The following CYP20A1 variants were observed in gnomAD, a reference collection of about 807,000 sequenced individuals.
CYP20A1 encodes the protein cytochrome P450 family 20 subfamily A member 1, also known as cytochrome P450 20A1.
A neutral mutation model predicts 61.4 loss-of-function variants in CYP20A1; 61 were observed. The observed-to-expected ratio is 0.99, with a 90% CI of 0.81 to 1.23. CYP20A1 has a LOEUF of 1.23. Among genes scored for constraint, CYP20A1 ranks in the 50% most tolerant of loss-of-function variants. The pLI, the probability that CYP20A1 is intolerant of heterozygous loss-of-function variation, is 0.00. For synonymous variants in CYP20A1, 193 were observed against 188.2 expected (o/e 1.03, Z -0.21); for missense variants, 530 against 542.4 (o/e 0.98, Z 0.23).
intron 6 of CYP20A1, among the ~76,000 whole-genome samples, chr2:203,275,931 A>G (rs922354207): frequency 6.6e-6 from 1 of 152,214 alleles, no homozygotes; most frequent in African/African-American, 2.4e-5. Context: ...TAGTACATTA[A>G]AAGGTGAAAA....
At chr2:203,254,230 C>T (rs545225698) in intron 4 of CYP20A1, among the ~76,000 whole-genome samples, 206 of 152,254 alleles carry the variant, frequency 1.4e-3, no homozygotes, top group Non-Finnish European at 2.1e-3. Context: ...CAGGCATGAG[C>T]CACCGTGCCC....
intron 4 of CYP20A1, among the ~76,000 whole-genome samples, chr2:203,264,107 A>G (rs2067240249): frequency 6.6e-6 from 1 of 151,934 alleles, no homozygotes. Context: ...GACTCAAGCG[A>G]TCCTCCCAAG....
At chr2:203,262,583 T>G (rs536484440) in intron 4 of CYP20A1, among the ~76,000 whole-genome samples, 9 of 151,086 alleles carry the variant, frequency 6.0e-5, no homozygotes, top group Non-Finnish European at 1.2e-4. Flanking sequence ...AGATGATTGC[T>G]TAGATCGTTA....
intron 4 of CYP20A1, among the ~76,000 whole-genome samples, chr2:203,263,377 A>C (rs1225190555): frequency 7.0e-6 from 1 of 141,858 alleles, no homozygotes; most frequent in African/African-American, 2.6e-5. Flanking sequence ...GCAACCTCCA[A>C]CTCCGTGGTT....
At chr2:203,292,235 G>C (rs765767884) in intron 10 of CYP20A1, 27 bp from the exon 11 acceptor site, 1 of 1,568,254 alleles carries the variant, frequency 6.4e-7, no homozygotes, top group Non-Finnish European at 8.8e-7. Flanking sequence ...GTTAGTCCTT[G>C]ACTAATTGGA....
In CYP20A1 at chr2:203,246,928, T is replaced by G; in HGVS notation, c.289+7T>G. 6.2e-7 allele frequency: 1 copy of G among 1,608,734 alleles called. No individual in the cohort carries two copies. Among genetic ancestry groups the G allele is most frequent in the Non-Finnish European group, 8.5e-7 (1 of 1,178,378 alleles). ...ATCAATCCCAATAAGACATGTAAGT[T>G]TAATTTTCTTTCTAATTACCTGATC... On this transcript the variant is annotated splice_region_variant and intron_variant, in intron 3 of 12. Transcript: ENST00000356079.
At chr2:203,265,539 G>C (rs2152074164) in intron 4 of CYP20A1, among the ~76,000 whole-genome samples, 1 of 152,132 alleles carries the variant, frequency 6.6e-6, no homozygotes, top group African/African-American at 2.4e-5. Context: ...CTTTCTTTCA[G>C]AGCTCTTTAC....
chr2:203,247,969 T>C (rs1419821063), intron 3 of CYP20A1, among the ~76,000 whole-genome samples: 1 of 152,188 alleles, frequency 6.6e-6, no homozygotes, highest in Non-Finnish European at 1.5e-5. Flanking sequence ...CTCACACCTG[T>C]AATCCCAACA....
chr2:203,289,870 T>G lies in CYP20A1; in HGVS notation c.1077T>G (p.Pro359=). The change falls in exon 10 of 13, where the codon CCT becomes CCG. Residue 359 remains proline, a synonymous_variant. Coordinates refer to ENST00000356079, the MANE Select transcript of CYP20A1 (RefSeq NM_177538.3). Reference sequence around the variant, plus strand: ...GAAAAATTGACCGATTTATTATTCCTAGAGAGGTAGAAAACCTTTAATATG... The same window carrying G: ...GAAAAATTGACCGATTTATTATTCCGAGAGAGGTAGAAAACCTTTAATATG... ...IEGKIDRFII[P]RETLVLYALG... The G allele has an allele frequency of 6.6e-7, 1 of 1,521,008 alleles. No individual in the cohort carries two copies. The highest frequency in any genetic ancestry group is 9.0e-7 in the Non-Finnish European group (1 of 1,105,672). The allele number at this position is 1,521,008 out of a possible 1,614,324, so 94.2% of individuals were successfully genotyped here. A position where few individuals can be genotyped will look rare whatever the true frequency, so the allele number is the denominator to read the frequency against.
At chr2:203,256,749 T>C (rs1303173609) in intron 4 of CYP20A1, among the ~76,000 whole-genome samples, 3 of 152,212 alleles carry the variant, frequency 2.0e-5, no homozygotes, top group East Asian at 3.8e-4. Context: ...TTTTGATTAC[T>C]GCTGTATACT....
intron 5 of CYP20A1, 92 bp from the exon 6 acceptor site, chr2:203,272,578 A>G: frequency 2.3e-6 from 1 of 436,636 alleles, no homozygotes; most frequent in Non-Finnish European, 3.9e-6. Flanking sequence ...AAAAGAGTTA[A>G]AGAGTTCCTA....
intron 5 of CYP20A1, among the ~76,000 whole-genome samples, chr2:203,267,430 A>C (rs1271069324): frequency 6.6e-6 from 1 of 151,882 alleles, no homozygotes; most frequent in Non-Finnish European, 1.5e-5. Context: ...GCTACTTGGG[A>C]GGCTGAGGCA....
chr2:203,247,843 T>G (rs2066515100), intron 3 of CYP20A1, among the ~76,000 whole-genome samples: 1 of 151,622 alleles, frequency 6.6e-6, no homozygotes, highest in African/African-American at 2.4e-5. Flanking sequence ...GGCAACAGAG[T>G]AAGATTCCAT....
At position 203,293,214 on chromosome 2, in the gene CYP20A1, C is replaced by CTTTTTTTTTTT. The variant is rs575058733; in HGVS notation, c.1148+889_1148+890insTTTTTTTTTTT. Among the ~76,000 whole-genome samples the CTTTTTTTTTTT allele has an allele frequency of 3.1e-5, 4 of 128,910 alleles. 2 individuals carry two copies. The highest frequency in any genetic ancestry group is 6.4e-5 in the Non-Finnish European group (4 of 62,470). The allele number at this position is 128,910 out of a possible 152,430, so 84.6% of individuals were successfully genotyped here. On this transcript the variant is annotated intron_variant, in intron 11 of 12. Transcript: ENST00000356079. ...ATTTTTAAAAAAGCAGAATTTCTCTCTCTTTTTTTTTTTTTTTTTGAGATG... is the reference window on the plus strand; with the variant it reads ...ATTTTTAAAAAAGCAGAATTTCTCTCTTTTTTTTTTTTCTTTTTTTTTTTTTTTTTGAGATG...
chr2:203,277,190 T>C (rs2067856062), intron 6 of CYP20A1, among the ~76,000 whole-genome samples: 1 of 151,004 alleles, frequency 6.6e-6, no homozygotes, highest in East Asian at 1.9e-4. Context: ...CTACTAAAAA[T>C]ATAAAAAATT....
chr2:203,305,449 C>T lies in CYP20A1; in HGVS notation c.*8541C>T, dbSNP rs918773384. 4 of 151,920 alleles carry T rather than the reference C, an allele frequency of 2.6e-5. No homozygotes were observed. The highest frequency in any genetic ancestry group is 7.3e-5 in the African/African-American group (3 of 41,322). 9.4% of individuals were successfully genotyped at this position (151,920 alleles called of 1,614,324 possible). On this transcript the variant is annotated 3_prime_UTR_variant, in exon 13 of 13. Coordinates refer to ENST00000356079, the MANE Select transcript of CYP20A1 (RefSeq NM_177538.3). Reference sequence around the variant, plus strand: ...TCTCTTGTGCTCATAATCTACCTACCTCGGCCTCCCAAAGTGCTCGGATTA... The same window carrying T: ...TCTCTTGTGCTCATAATCTACCTACTTCGGCCTCCCAAAGTGCTCGGATTA...
chr2:203,246,125 A>T (rs1490282424), intron 2 of CYP20A1, among the ~76,000 whole-genome samples: 1 of 152,208 alleles, frequency 6.6e-6, no homozygotes, highest in Non-Finnish European at 1.5e-5. Context: ...TAAATAAGTA[A>T]AAAGAAAACT....
chr2:203,280,984 T>C (rs1457877669), intron 8 of CYP20A1, among the ~76,000 whole-genome samples: 1 of 152,212 alleles, frequency 6.6e-6, no homozygotes, highest in African/African-American at 2.4e-5. Flanking sequence ...GCTAGTCTGC[T>C]ATTACTAAGG....
chr2:203,262,758 G>C (rs1031770988), intron 4 of CYP20A1, among the ~76,000 whole-genome samples: 1 of 150,836 alleles, frequency 6.6e-6, no homozygotes, highest in Non-Finnish European at 1.5e-5. Context: ...GCGCGATCTC[G>C]GCTCACTGCA....
Sources: gnomAD v4.1 joint callset for allele counts (sites outside exome capture counted in the v4.1 genomes callset) on GRCh38, gnomAD v4.1.1 for gene constraint, MANE v1.5 for transcripts, NCBI Gene and HGNC (gene_info 2026-07-23, HGNC 2026-07-21) for gene names.